Variants in CEP164 observed in about 807,000 individuals in gnomAD.
CEP164 encodes the protein centrosomal protein 164, also known as centrosomal protein of 164 kDa.
Under a neutral mutation model 182.7 loss-of-function variants are expected in CEP164, and 162 were observed. The ratio of observed to expected loss-of-function variants is 0.89; its 90% CI spans 0.78 to 1.01. The LOEUF (loss-of-function observed/expected upper bound fraction) is 1.01. CEP164 is among the 50% of genes least tolerant of loss of function. The probability of loss-of-function intolerance (pLI) is 0.00; values close to 1 mark genes in which losing one functional copy is unlikely to be tolerated. For synonymous variants in CEP164, 661 were observed against 690.0 expected (o/e 0.96, Z 0.66); for missense variants, 1,735 against 1,790.4 (o/e 0.97, Z 0.56).
rs938711984 is a variant in CEP164, at chr11:117,375,807, T to G, written c.1317+16T>G. The G allele has an allele frequency of 4.5e-5, 72 of 1,612,848 alleles. No individual in the cohort carries two copies. Among genetic ancestry groups the G allele is most frequent in the Non-Finnish European group, 6.0e-5 (71 of 1,179,120 alleles). On this transcript the variant is annotated intron_variant, in intron 11 of 32. Coordinates refer to ENST00000278935, the MANE Select transcript of CEP164 (RefSeq NM_014956.5). ...TTGTCGGCAGGTGAGTTTCTGTGGGTGGTGGGCTGAGCTGGGGCCTCATTT... is the reference window on the plus strand; with the variant it reads ...TTGTCGGCAGGTGAGTTTCTGTGGGGGGTGGGCTGAGCTGGGGCCTCATTT...
chr11:117,363,620 C>G, intron 8 of CEP164, 114 bp downstream of exon 8: 3 of 689,946 alleles, frequency 4.3e-6, no homozygotes, highest in Non-Finnish European at 7.3e-6. Context: ...CATTTTGTCC[C>G]AGTCCTTCCA....
chr11:117,366,907 G>A (rs1371082373), intron 8 of CEP164, among the ~76,000 whole-genome samples: 1 of 152,142 alleles, frequency 6.6e-6, no homozygotes, highest in East Asian at 1.9e-4. Flanking sequence ...ATTCTTATAA[G>A]CTCTCTCCTG....
Position 117,411,501 on chromosome 11 carries a change from A to T in CEP164, c.4164-294A>T. ...CTGATGCTGGCCAAGGATTGAGTTG[A>T]CAGAGGGGAGCGCTTTGCTGATGAG... On this transcript the variant is annotated intron_variant, in intron 31 of 32. Coordinates refer to ENST00000278935, the MANE Select transcript of CEP164 (RefSeq NM_014956.5). The surrounding 1 kb of genome is among the most constrained non-coding windows in gnomAD (Gnocchi z 4.4). 1 of 368,582 alleles carries T rather than the reference A, an allele frequency of 2.7e-6. No homozygotes were observed. Among genetic ancestry groups the T allele is most frequent in the Non-Finnish European group, 5.0e-6 (1 of 198,244 alleles). The allele number at this position is 368,582 out of a possible 1,614,324, so 22.8% of individuals were successfully genotyped here.
chr11:117,397,630 G>A (rs185899006), intron 27 of CEP164, among the ~76,000 whole-genome samples: 1 of 152,208 alleles, frequency 6.6e-6, no homozygotes, highest in Non-Finnish European at 1.5e-5. Context: ...AATCATGGCA[G>A]GAGGCGAAAG....
chr11:117,372,184 T>G (rs2042272116), intron 9 of CEP164, among the ~76,000 whole-genome samples: 1 of 150,102 alleles, frequency 6.7e-6, no homozygotes, highest in Non-Finnish European at 1.5e-5. Flanking sequence ...CTTGGCTCAC[T>G]GCAACCTGTG....
chr11:117,399,481 T>A (rs2045904404), intron 27 of CEP164, among the ~76,000 whole-genome samples: 1 of 152,232 alleles, frequency 6.6e-6, no homozygotes, highest in Non-Finnish European at 1.5e-5. Context: ...TGGTTTATAA[T>A]CCTTTGGGTA....
intron 1 of CEP164, among the ~76,000 whole-genome samples, chr11:117,330,245 A>G (rs1243743110): frequency 2.6e-5 from 4 of 152,140 alleles, no homozygotes; most frequent in Admixed American, 2.6e-4. Context: ...CACATTTTGT[A>G]GTCATGTGTT....
At position 117,361,847 on chromosome 11, in the gene CEP164, T is replaced by C. The variant is rs1479985754; in HGVS notation, c.406T>C (p.Ser136Pro). 1 of 1,614,274 alleles carries C rather than the reference T, an allele frequency of 6.2e-7. No homozygotes were observed. The highest frequency in any genetic ancestry group is 8.5e-7 in the Non-Finnish European group (1 of 1,180,050). Residue 136 changes from serine (S) to proline (P), a missense_variant, in exon 6 of 33, where the codon TCA becomes CCA. Coordinates refer to ENST00000278935, the MANE Select transcript of CEP164 (RefSeq NM_014956.5). ...PPKSSLALGS[S>P]LAPVHVPLGG... Reference sequence around the variant, plus strand: ...TTCTGTTGCACAGGCCTTGGGTTCCTCATTAGCCCCAGTTCATGTTCCTCT... The same window carrying C: ...TTCTGTTGCACAGGCCTTGGGTTCCCCATTAGCCCCAGTTCATGTTCCTCT...
At chr11:117,408,810 A>C in intron 28 of CEP164, 80 bp from the exon 29 acceptor site, 1 of 1,576,442 alleles carries the variant, frequency 6.3e-7, no homozygotes, top group Non-Finnish European at 8.7e-7. Context: ...TCAGTGTCCC[A>C]GCCACTTCCT....
At chr11:117,382,041 G>C (rs1349073676) in intron 13 of CEP164, among the ~76,000 whole-genome samples, 173 bp downstream of exon 13, 1 of 152,134 alleles carries the variant, frequency 6.6e-6, no homozygotes, top group East Asian at 1.9e-4. Context: ...GCTCTGCTTA[G>C]TGTCCCATGG....
intron 27 of CEP164, among the ~76,000 whole-genome samples, chr11:117,407,663 T>A (rs2046867766): frequency 6.6e-6 from 1 of 151,790 alleles, no homozygotes; most frequent in Admixed American, 6.6e-5. Context: ...AAAACAATAA[T>A]CATAATAAAT....
At chr11:117,396,986 CT>C in intron 26 of CEP164, 104 bp from the exon 27 acceptor site, 1 of 1,020,754 alleles carries the variant, frequency 9.8e-7, no homozygotes, top group Non-Finnish European at 1.4e-6. Context: ...AGCCCAGCAG[CT>C]CTGGTCTGTG....
chr11:117,406,213 G>T (rs2046656616), intron 27 of CEP164, among the ~76,000 whole-genome samples: 1 of 152,202 alleles, frequency 6.6e-6, no homozygotes. Flanking sequence ...AAATGATTCT[G>T]GGGAAGCCTC....
At chr11:117,382,700 G>A in intron 13 of CEP164, 96 bp from the exon 14 acceptor site, 2 of 1,430,970 alleles carry the variant, frequency 1.4e-6, no homozygotes, top group Non-Finnish European at 1.9e-6. Flanking sequence ...TGTCTCTCTT[G>A]TCTCTGTCAT....
intron 1 of CEP164, among the ~76,000 whole-genome samples, chr11:117,334,496 A>G (rs562311295): frequency 6.6e-6 from 1 of 152,220 alleles, no homozygotes; most frequent in Non-Finnish European, 1.5e-5. Flanking sequence ...TTAAGTAGTT[A>G]AATATATCGC....
At position 117,391,038 on chromosome 11, in the gene CEP164, G is replaced by T. The variant is rs1291164061; in HGVS notation, c.2106G>T (p.Glu702Asp). 5 of 1,614,140 alleles carry T rather than the reference G, an allele frequency of 3.1e-6. No individual in the cohort carries two copies. The highest frequency in any genetic ancestry group is 4.2e-6 in the Non-Finnish European group (5 of 1,180,038). ...CTTCCCTGCAGAAACTGAGAGAAGA[G>T]TTGGAGTCTCAACAGAAGGCTGAGA... ...QEASLQKLRE[E>D]LESQQKAERA... is the part of the protein sequence containing the mutation. The change falls in exon 17 of 33, where the codon GAG becomes GAT. Residue 702 changes from glutamate to aspartate, a missense_variant. Physicochemically the swap from Glu to Asp is conservative, Grantham distance 45 (BLOSUM62 2). Transcript: ENST00000278935.
At chr11:117,326,974 C>G (rs1167036062), upstream of CEP164, among the ~76,000 whole-genome samples, 1 of 152,240 alleles carries the variant, frequency 6.6e-6, no homozygotes, top group African/African-American at 2.4e-5. Context: ...GCAAGCAAAA[C>G]TAAAACTCTT....
At position 117,409,890 on chromosome 11, in the gene CEP164, G is replaced by C. The variant is rs781132728; in HGVS notation, c.4021G>C (p.Gly1341Arg). Residue 1341 changes from glycine to arginine, a missense_variant, in exon 30 of 33, where the codon GGG becomes CGG. Coordinates refer to ENST00000278935, the MANE Select transcript of CEP164 (RefSeq NM_014956.5). The surrounding 1 kb of genome is among the most constrained non-coding windows in gnomAD (Gnocchi z 4.4). ...STQWAWDSGQ[G>R]PRLPSSVAQT... ...CCAATGGGCCTGGGATTCAGGGCAG[G>C]GGCCCAGGCTCCCCTCCTCTGTGGC... The C allele has an allele frequency of 1.1e-5, 17 of 1,613,986 alleles. No individual in the cohort carries two copies. In the East Asian group the frequency reaches 3.8e-4, roughly 36 times the overall value.
chr11:117,357,273 A>G (rs1049630411), intron 5 of CEP164, among the ~76,000 whole-genome samples: 1 of 151,654 alleles, frequency 6.6e-6, no homozygotes, highest in East Asian at 2.0e-4. Flanking sequence ...CTCCCAGCCA[A>G]TTTTTTTGTG....
Sources: gnomAD v4.1 joint callset for allele counts (sites outside exome capture counted in the v4.1 genomes callset) on GRCh38, gnomAD v4.1.1 for gene constraint, Gnocchi (gnomAD v3.1) non-coding constraint, MANE v1.5 for transcripts, NCBI Gene and HGNC (gene_info 2026-07-23, HGNC 2026-07-21) for gene names.